The following ZNF705G variants were observed in gnomAD, a reference collection of about 807,000 sequenced individuals.
The protein encoded by ZNF705G is putative zinc finger protein 705G.
A neutral mutation model predicts 19.6 loss-of-function variants in ZNF705G; 23 were observed. The observed-to-expected ratio is 1.17, with a 90% CI of 0.84 to 1.66. The LOEUF (loss-of-function observed/expected upper bound fraction) is 1.66, where lower values mean the gene tolerates loss of function less well. ZNF705G is among the 40% of genes most tolerant of loss of function. The pLI is 0.00. For synonymous variants in ZNF705G, 146 were observed against 117.7 expected (o/e 1.24, Z -1.56); for missense variants, 457 against 354.4 (o/e 1.29, Z -2.32).
rs1384944451 is a variant in ZNF705G, at chr8:7,356,969, T to G, written c.*1007A>C. Reference sequence around the variant, plus strand: ...GATATTTTCTCAAATTTCTGAATTATTTTGCTAAAGTATGTGTTAAGAGTT... The same window carrying G: ...GATATTTTCTCAAATTTCTGAATTAGTTTGCTAAAGTATGTGTTAAGAGTT... On this transcript the variant is annotated 3_prime_UTR_variant, in exon 7 of 7. Transcript: ENST00000400156. The G allele has an allele frequency of 1.3e-5, 2 of 149,838 alleles. No homozygotes were observed. The highest frequency in any genetic ancestry group is 2.9e-5 in the Non-Finnish European group (2 of 68,024). The allele number at this position is 149,838 out of a possible 1,614,324, so 9.3% of individuals were successfully genotyped here.
chr8:7,366,573 G>A (rs1226725348), intron 2 of ZNF705G, among the ~76,000 whole-genome samples: 22 of 149,672 alleles, frequency 1.5e-4, no homozygotes, highest in East Asian at 7.7e-4. Context: ...AGTACATGAT[G>A]AAAAATAATA....
rs780078470 is a variant in ZNF705G at position 7,360,286 on chromosome 8, T to C, written c.186A>G (p.Gly62=). ...KSYIILQLEQ[G]KELWREGRVF... is the part of the protein sequence containing the mutation. ...CTCTTCCTTCCCTCCACAGCTCTTT[T>C]CCTTGCTCCAGCTGCAAAATTATAT... is the stretch of plus-strand genomic sequence containing the variant. Residue 62 remains glycine (G), a synonymous_variant, in exon 5 of 7, where the codon GGA becomes GGG. Coordinates refer to ENST00000400156, the MANE Select transcript of ZNF705G (RefSeq NM_001164457.3). 6.3e-7 allele frequency: 1 copy of C among 1,591,484 alleles called. No homozygotes were observed. The highest frequency in any genetic ancestry group is 1.1e-5 in the South Asian group (1 of 90,690).
intron 2 of ZNF705G, chr8:7,377,318 TA>T: frequency 6.6e-6 from 1 of 150,952 alleles, no homozygotes; most frequent in South Asian, 1.1e-4. Context: ...ATGGTTACAA[TA>T]ACCCCTTCTG....
rs374987800 is a variant in ZNF705G at position 7,380,298 on chromosome 8, A to G, written c.-72+1154T>C. ...GCCCATCCCACCCATTGCTGTCACT[A>G]CCACTACCCAAGGTCGTTGTCCAGG... On this transcript the variant is annotated intron_variant, in intron 2 of 6. Transcript: ENST00000400156. 6.1e-5 allele frequency among the ~76,000 whole-genome samples: 9 copies of G among 146,614 alleles called. No homozygotes were observed. The East Asian group carries it at 1.4e-3, about 22-fold the overall frequency.
In ZNF705G at chr8:7,357,652, A is replaced by G. The variant is rs1244757475; in HGVS notation, c.*324T>C. The G allele has an allele frequency of 3.0e-5, 14 of 469,078 alleles. No homozygotes were observed. The highest frequency in any genetic ancestry group is 1.3e-4 in the South Asian group (5 of 38,382). The allele number at this position is 469,078 out of a possible 1,614,324, so 29.1% of individuals were successfully genotyped here. A position where few individuals can be genotyped will look rare whatever the true frequency, so the allele number is the denominator to read the frequency against. ...GTCTTTGGTACATACATGTCATACAATTTCTCTTCCATATGAATTTATTGA... is the reference window on the plus strand; with the variant it reads ...GTCTTTGGTACATACATGTCATACAGTTTCTCTTCCATATGAATTTATTGA... On this transcript the variant is annotated 3_prime_UTR_variant, in exon 7 of 7. Transcript: ENST00000400156.
intron 2 of ZNF705G, among the ~76,000 whole-genome samples, chr8:7,365,816 T>A (rs1437291213): frequency 6.7e-6 from 1 of 149,586 alleles, no homozygotes; most frequent in Non-Finnish European, 1.5e-5. Flanking sequence ...AGTGAAGTAT[T>A]AGGAATGCAT....
chr8:7,367,167 C>T (rs572134236), intron 2 of ZNF705G, among the ~76,000 whole-genome samples: 3 of 149,588 alleles, frequency 2.0e-5, no homozygotes, highest in Non-Finnish European at 4.4e-5. Flanking sequence ...TAATGAGATG[C>T]TGCCTTGATG....
In ZNF705G at chr8:7,367,435, G is replaced by C. The variant is rs369793807; in HGVS notation, c.-71-4418C>G. On this transcript the variant is annotated intron_variant, in intron 2 of 6. Coordinates refer to ENST00000400156, the MANE Select transcript of ZNF705G (RefSeq NM_001164457.3). Reference sequence around the variant, plus strand: ...AACTTCTTGGGCGTGCATGTTAAGAGACAAAAATGGCAAAGCATAATCTTC... The same window carrying C: ...AACTTCTTGGGCGTGCATGTTAAGACACAAAAATGGCAAAGCATAATCTTC... 2.1e-4 allele frequency among the ~76,000 whole-genome samples: 32 copies of C among 149,560 alleles called. 6 individuals carry two copies. The highest frequency in any genetic ancestry group is 8.2e-4 in the African/African-American group (32 of 38,978).
chr8:7,360,550 A>G (rs1386189136), intron 4 of ZNF705G, among the ~76,000 whole-genome samples: 1 of 149,390 alleles, frequency 6.7e-6, no homozygotes, highest in East Asian at 1.9e-4. Flanking sequence ...GAAATTCAAA[A>G]CAGTCAGGAC....
At chr8:7,383,109 T>G (rs1233093352) in intron 1 of ZNF705G, among the ~76,000 whole-genome samples, 17 of 147,326 alleles carry the variant, frequency 1.2e-4, no homozygotes, top group Non-Finnish European at 2.1e-4. Context: ...TTTTCCTTGG[T>G]TGAGTTCAAT....
chr8:7,355,940 T>G lies in ZNF705G; in HGVS notation c.*2036A>C, dbSNP rs1453178899. The G allele has an allele frequency of 6.7e-6, 1 of 149,636 alleles. No homozygotes were observed. Among genetic ancestry groups the G allele is most frequent in the Admixed American group, 6.6e-5 (1 of 15,236 alleles). The allele number at this position is 149,636 out of a possible 1,614,324, so 9.3% of individuals were successfully genotyped here. A position where few individuals can be genotyped will look rare whatever the true frequency, so the allele number is the denominator to read the frequency against. ...GTAAAATCAATCACTTGTAGAGATT[T>G]TAAAATATAATGATGTGTCAACTTC... On this transcript the variant is annotated 3_prime_UTR_variant, in exon 7 of 7. Coordinates refer to ENST00000400156, the MANE Select transcript of ZNF705G (RefSeq NM_001164457.3).
At chr8:7,359,498 T>C in intron 6 of ZNF705G, 121 bp downstream of exon 6, 1 of 1,520,268 alleles carries the variant, frequency 6.6e-7, no homozygotes, top group Non-Finnish European at 8.8e-7. Context: ...ATTTTTTTTT[T>C]TTGCTTAGAA....
At chr8:7,359,308 C>T (rs1806455966) in intron 6 of ZNF705G, among the ~76,000 whole-genome samples, 1 of 149,704 alleles carries the variant, frequency 6.7e-6, no homozygotes, top group Non-Finnish European at 1.5e-5. Flanking sequence ...TTATCTCCTG[C>T]AGACACAGAT....
At position 7,356,298 on chromosome 8, in the gene ZNF705G, T is replaced by C. The variant is rs1806237790; in HGVS notation, c.*1678A>G. On this transcript the variant is annotated 3_prime_UTR_variant, in exon 7 of 7. Transcript: ENST00000400156. ...AGTAAAAGGAGCACAGCTGTGTCTG[T>C]CTCTGTGTAATAACTCAGGACTTAC... is the stretch of plus-strand genomic sequence containing the variant. 6.7e-6 allele frequency: 1 copy of C among 149,492 alleles called. No homozygotes were observed. The highest frequency in any genetic ancestry group is 6.6e-5 in the Admixed American group (1 of 15,222). The allele number at this position is 149,492 out of a possible 1,614,324, so 9.3% of individuals were successfully genotyped here.
intron 6 of ZNF705G, among the ~76,000 whole-genome samples, chr8:7,359,199 C>A (rs1309524130): frequency 6.7e-6 from 1 of 149,600 alleles, no homozygotes; most frequent in African/African-American, 2.6e-5. Flanking sequence ...AAGGCATACA[C>A]CTGTCCCCTG....
At chr8:7,362,877 T>A in intron 3 of ZNF705G, 58 bp downstream of exon 3, 2 of 1,569,668 alleles carry the variant, frequency 1.3e-6, no homozygotes, top group Non-Finnish European at 1.7e-6. Flanking sequence ...TGGAGAAAAC[T>A]GCCCATTTGC....
intron 2 of ZNF705G, among the ~76,000 whole-genome samples, chr8:7,365,448 G>A (rs1418815672): frequency 1.4e-5 from 2 of 144,062 alleles, no homozygotes; most frequent in Non-Finnish European, 3.0e-5. Context: ...GCGCGATCTC[G>A]GCTCACCGCA....
chr8:7,369,066 G>C (rs1396856356), intron 2 of ZNF705G, among the ~76,000 whole-genome samples: 1 of 149,548 alleles, frequency 6.7e-6, no homozygotes, highest in Non-Finnish European at 1.5e-5. Flanking sequence ...GAGAATGACA[G>C]CCAAGCAAAA....
At chr8:7,384,923 G>A (rs1423625349) in intron 1 of ZNF705G, among the ~76,000 whole-genome samples, 1 of 146,248 alleles carries the variant, frequency 6.8e-6, no homozygotes, top group East Asian at 1.9e-4. Flanking sequence ...CTCTGAGCAA[G>A]TCAATGCAGG....
Sources: allele counts gnomAD v4.1 joint callset (sites outside exome capture counted in the v4.1 genomes callset), GRCh38; gene constraint gnomAD v4.1.1; transcripts MANE v1.5; gene names NCBI Gene and HGNC (gene_info 2026-07-23, HGNC 2026-07-21).